Variants in FRAS1 observed in about 807,000 individuals in gnomAD.
FRAS1 encodes the protein extracellular matrix organizing protein FRAS1.
A neutral mutation model predicts 435.2 loss-of-function variants in FRAS1; 290 were observed. That is an observed-to-expected ratio of 0.67 (90% CI 0.61 to 0.73). FRAS1 has a LOEUF of 0.73. Among genes scored for constraint, FRAS1 ranks in the 30% least tolerant of loss-of-function variants. FRAS1 has a pLI of 0.00. For missense variants in FRAS1, 4,860 were observed against 5,001.5 expected, an observed-to-expected ratio of 0.97 and a Z score of 0.85; for synonymous variants, 1,800 against 1,851.0, an observed-to-expected ratio of 0.97 and a Z score of 0.71.
chr4:78,454,060 G>A (rs370027297), intron 47 of FRAS1, among the ~76,000 whole-genome samples: 2 of 152,144 alleles, frequency 1.3e-5, no homozygotes, highest in East Asian at 3.9e-4. Flanking sequence ...GAGAAGGAAG[G>A]GTATTCCTGG....
chr4:78,201,379 A>G (rs1446794722), intron 2 of FRAS1, among the ~76,000 whole-genome samples: 1 of 152,252 alleles, frequency 6.6e-6, no homozygotes, highest in African/African-American at 2.4e-5. Context: ...CAAGATTTCA[A>G]AAAGTGTATG....
chr4:78,391,676 T>C (rs1466868657), intron 29 of FRAS1, among the ~76,000 whole-genome samples: 3 of 152,196 alleles, frequency 2.0e-5, no homozygotes, highest in Non-Finnish European at 1.5e-5. Flanking sequence ...TTTCTGCAAC[T>C]GGGTAATCCT....
At chr4:78,273,262 G>A (rs183362947) in intron 9 of FRAS1, among the ~76,000 whole-genome samples, 1 of 152,154 alleles carries the variant, frequency 6.6e-6, no homozygotes, top group Admixed American at 6.5e-5. Flanking sequence ...TCTGCAAATA[G>A]GGACAATTTG....
chr4:78,253,569 G>A (rs2013764), intron 5 of FRAS1, among the ~76,000 whole-genome samples: 137,593 of 152,174 alleles, frequency 0.9, 63,640 homozygotes, highest in Non-Finnish European at 1. Flanking sequence ...CTGACTTCCC[G>A]CAACACATGG....
At position 78,289,416 on chromosome 4, in the gene FRAS1, C is replaced by T. The variant is rs139822092; in HGVS notation, c.1534+2877C>T. Among the ~76,000 whole-genome samples, 541 of 152,284 alleles carry T rather than the reference C, an allele frequency of 3.6e-3. 9 individuals are homozygous for T. The highest frequency in any genetic ancestry group is 0.012 in the African/African-American group (512 of 41,542). On this transcript the variant is annotated intron_variant, in intron 14 of 73. Transcript: ENST00000512123. ...CCAGTCCCTGCTTCATTTCCCCTGC[C>T]TTTACAACTCCAGAGTTTGATGCTT... is the stretch of plus-strand genomic sequence containing the variant.
In FRAS1 at chr4:78,113,853, T is replaced by C. The variant is rs183807201; in HGVS notation, c.108+47837T>C. ...TTCAATGAGATCCCATTTGTCAATT[T>C]TGGCTTTTGTTGCCATTGCTTTTGG... On this transcript the variant is annotated intron_variant, in intron 2 of 73. Transcript: ENST00000512123. 3.2e-3 allele frequency among the ~76,000 whole-genome samples: 490 copies of C among 152,356 alleles called. 4 individuals carry two copies. Among genetic ancestry groups the C allele is most frequent in the African/African-American group, 0.011 (464 of 41,592 alleles).
chr4:78,506,413 G>A (rs1034942419), intron 61 of FRAS1, among the ~76,000 whole-genome samples: 4 of 152,204 alleles, frequency 2.6e-5, no homozygotes, highest in East Asian at 3.9e-4. Flanking sequence ...CCCCCAGTTC[G>A]AGCTTCCCAG....
At chr4:78,307,913 G>A (rs770829148) in intron 14 of FRAS1, among the ~76,000 whole-genome samples, 153 bp from the exon 15 acceptor site, 6 of 152,230 alleles carry the variant, frequency 3.9e-5, no homozygotes, top group Admixed American at 6.5e-5. Flanking sequence ...AGAGGGTGTT[G>A]TGTTTGTCCT....
At chr4:78,267,167 C>T (rs541989638) in intron 8 of FRAS1, 74 bp from the exon 9 acceptor site, 208 of 1,461,924 alleles carry the variant, frequency 1.4e-4, no homozygotes, top group Middle Eastern at 7.9e-4. Flanking sequence ...TATTTTGGGT[C>T]CTCCTGCCTC....
At chr4:78,355,076 A>G (rs1243124500) in intron 20 of FRAS1, among the ~76,000 whole-genome samples, 1 of 152,138 alleles carries the variant, frequency 6.6e-6, no homozygotes, top group Non-Finnish European at 1.5e-5. Context: ...TAATATTTTT[A>G]TCTGTTTAAA....
rs747980876 is a variant in FRAS1, at chr4:78,379,953, A to G, written c.3520A>G (p.Asn1174Asp). The G allele has an allele frequency of 1.9e-6, 3 of 1,613,730 alleles. No homozygotes were observed. Among genetic ancestry groups the G allele is most frequent in the Non-Finnish European group, 2.5e-6 (3 of 1,179,814 alleles). ...KAGRFSWKDV[N>D]EKKVRFVHSK... ...TGGCCGTTTTAGCTGGAAAGATGTG[A>G]ACGAGAAGAAAGTGCGTTTTGTGCA... is the stretch of plus-strand genomic sequence containing the variant. The change falls in exon 27 of 74, where the codon AAC becomes GAC. Residue 1174 changes from asparagine to aspartate, a missense_variant. Physicochemically the swap from Asn to Asp is conservative, Grantham distance 23. Coordinates refer to ENST00000512123, the MANE Select transcript of FRAS1 (RefSeq NM_025074.7).
At chr4:78,509,827 C>G (rs1367421692) in intron 63 of FRAS1, among the ~76,000 whole-genome samples, 1 of 152,182 alleles carries the variant, frequency 6.6e-6, no homozygotes, top group Non-Finnish European at 1.5e-5. Context: ...TAGTAAGCAT[C>G]CAACAATTCT....
At chr4:78,385,810 G>A (rs57440858) in intron 28 of FRAS1, among the ~76,000 whole-genome samples, 2,892 of 151,810 alleles carry the variant, frequency 0.019, 94 homozygotes, top group African/African-American at 0.065. Flanking sequence ...GCTTGAACCC[G>A]GGAGGCAGAG....
At chr4:78,400,147 T>G (rs1732824063) in intron 29 of FRAS1, among the ~76,000 whole-genome samples, 1 of 152,244 alleles carries the variant, frequency 6.6e-6, no homozygotes, top group Non-Finnish European at 1.5e-5. Context: ...ACCATGTCTC[T>G]ACTTAGAAAT....
chr4:78,289,990 C>T (rs1727808978), intron 14 of FRAS1, among the ~76,000 whole-genome samples: 1 of 152,128 alleles, frequency 6.6e-6, no homozygotes, highest in South Asian at 2.1e-4. Context: ...TGGAACTCGC[C>T]AGGTCCTGAG....
intron 59 of FRAS1, among the ~76,000 whole-genome samples, chr4:78,490,397 T>C (rs1158171533): frequency 6.6e-6 from 1 of 152,194 alleles, no homozygotes; most frequent in Non-Finnish European, 1.5e-5. Flanking sequence ...GTTGACCACA[T>C]ATTTGGAAGT....
chr4:78,317,129 T>G (rs992241782), intron 16 of FRAS1, among the ~76,000 whole-genome samples: 5 of 152,216 alleles, frequency 3.3e-5, no homozygotes, highest in Non-Finnish European at 5.9e-5. Flanking sequence ...TAGAAAGTGC[T>G]TAGTACAAAC....
At position 78,181,580 on chromosome 4, in the gene FRAS1, G is replaced by A. The variant is rs1020730496; in HGVS notation, c.109-55930G>A. On this transcript the variant is annotated intron_variant, in intron 2 of 73. Transcript: ENST00000512123. ...ACCTCGAATAGGTCGGTCAATAATC[G>A]GTCTATCAACTGAAAATTAGCCTCC... 10 of 1,611,292 alleles carry A rather than the reference G, an allele frequency of 6.2e-6. No individual in the cohort carries two copies. The East Asian group carries it at 6.7e-5, about 11-fold the overall frequency.
intron 14 of FRAS1, among the ~76,000 whole-genome samples, chr4:78,306,858 T>G (rs554575465): frequency 6.6e-6 from 1 of 152,240 alleles, no homozygotes; most frequent in East Asian, 1.9e-4. Flanking sequence ...GCCTTCTTCT[T>G]TCAGCTCGTC....
Sources: allele counts gnomAD v4.1 joint callset (sites outside exome capture counted in the v4.1 genomes callset), GRCh38; gene constraint gnomAD v4.1.1; transcripts MANE v1.5; gene names NCBI Gene and HGNC (gene_info 2026-07-23, HGNC 2026-07-21).